ZFP2: variants seen among roughly 807,000 people sequenced by gnomAD.
ZFP2 encodes the protein ZFP2 zinc finger protein.
Under a neutral mutation model 36.1 loss-of-function variants are expected in ZFP2, and 33 were observed. That is an observed-to-expected ratio of 0.92 (90% confidence interval 0.69 to 1.22). The LOEUF (loss-of-function observed/expected upper bound fraction) is 1.22, where lower values mean the gene tolerates loss of function less well. Among genes scored for constraint, ZFP2 ranks in the 50% most tolerant of loss-of-function variants. The pLI is 0.00. For missense variants in ZFP2, 522 were observed against 551.4 expected, an observed-to-expected ratio of 0.95 and a Z score of 0.53; for synonymous variants, 170 against 178.0, an observed-to-expected ratio of 0.96 and a Z score of 0.36.
chr5:178,927,944 A>G (rs192549734), intron 4 of ZFP2, among the ~76,000 whole-genome samples: 2 of 151,834 alleles, frequency 1.3e-5, no homozygotes, highest in African/African-American at 4.8e-5. Context: ...GGAGGCTTAC[A>G]GTCATAGTGG....
At chr5:178,911,623 G>T (rs546333792) in intron 1 of ZFP2, among the ~76,000 whole-genome samples, 1 of 152,246 alleles carries the variant, frequency 6.6e-6, no homozygotes, top group African/African-American at 2.4e-5. Context: ...GTTAAGTTTT[G>T]GGGGAGTCAA....
intron 1 of ZFP2, among the ~76,000 whole-genome samples, chr5:178,897,062 T>TA (rs1291031580): frequency 1.3e-5 from 2 of 151,810 alleles, no homozygotes; most frequent in East Asian, 3.9e-4. Flanking sequence ...TTCAGTATTA[T>TA]AAACAGTATA....
rs1286389478 is a variant in ZFP2, at chr5:178,931,495, T to G, written c.182T>G (p.Leu61Arg). 1 of 1,614,176 alleles carries G rather than the reference T, an allele frequency of 6.2e-7. No homozygotes were observed. Among genetic ancestry groups the G allele is most frequent in the Non-Finnish European group, 8.5e-7 (1 of 1,180,020 alleles). The stretch of plus-strand genomic sequence containing the variant: ...AGATGTTCCAGTCAGGATTCAATCC[T>G]TGATACACAGCAAAGCATTCCTATG... ...FERCSSQDSI[L>R]DTQQSIPMVK... Residue 61 changes from leucine to arginine, a missense_variant, in exon 5 of 5, where the codon CTT becomes CGT. Transcript: ENST00000361362.
intron 1 of ZFP2, among the ~76,000 whole-genome samples, chr5:178,899,673 G>A (rs1758013520): frequency 6.6e-6 from 1 of 152,144 alleles, no homozygotes; most frequent in African/African-American, 2.4e-5. Flanking sequence ...GGAAAAAGTA[G>A]TGTCCGTGAG....
Position 178,921,132 on chromosome 5 carries a change from G to T in ZFP2, c.-78+4422G>T, listed in dbSNP as rs75677960. On this transcript the variant is annotated intron_variant, in intron 4 of 4. Transcript: ENST00000361362. The stretch of plus-strand genomic sequence containing the variant: ...GTGGCCAGTATGGAATTTAAGCAGC[G>T]GTCCCTCTTATTCTCAAAGTCCACG... Among the ~76,000 whole-genome samples the T allele has an allele frequency of 7.6e-4, 115 of 152,194 alleles. 2 individuals are homozygous for T. In the East Asian group the frequency reaches 0.017, roughly 23 times the overall value.
At chr5:178,901,544 C>G (rs12055116) in intron 1 of ZFP2, among the ~76,000 whole-genome samples, 10,330 of 152,210 alleles carry the variant, frequency 0.068, 552 homozygotes, top group East Asian at 0.24. Flanking sequence ...CTGCATCGCT[C>G]TAATCCTTAC....
intron 4 of ZFP2, among the ~76,000 whole-genome samples, chr5:178,927,663 A>ATTTGTGTGTGTG (rs1554107344): frequency 1.1e-5 from 1 of 92,552 alleles, no homozygotes; most frequent in Admixed American, 1.1e-4. Context: ...TACCTGGCCA[A>ATTTGTGTGTGTG]TGTGTGTGTG....
intron 1 of ZFP2, among the ~76,000 whole-genome samples, chr5:178,911,863 C>T (rs578083464): frequency 1.3e-5 from 2 of 152,276 alleles, no homozygotes; most frequent in African/African-American, 2.4e-5. Flanking sequence ...TGGCCGGACA[C>T]GGTGGCTCAC....
At position 178,932,278 on chromosome 5, in the gene ZFP2, G is replaced by T; in HGVS notation, c.965G>T (p.Gly322Val). Residue 322 changes from glycine (G) to valine (V), a missense_variant, in exon 5 of 5, where the codon GGA becomes GTA. Physicochemically the swap from Gly to Val is moderately radical, Grantham distance 109 (BLOSUM62 -3). Transcript: ENST00000361362. ...ATAGAACATCAGAGACTTCATTCTGGAGTAAAACCTTTTGAATGTAACGAG... is the reference window on the plus strand; with the variant it reads ...ATAGAACATCAGAGACTTCATTCTGTAGTAAAACCTTTTGAATGTAACGAG... ...YLIEHQRLHSGVKPFECNECG... is the reference protein window; with the variant it reads ...YLIEHQRLHSVVKPFECNECG... 1 of 1,614,164 alleles carries T rather than the reference G, an allele frequency of 6.2e-7. No individual in the cohort carries two copies. Among genetic ancestry groups the T allele is most frequent in the South Asian group, 1.1e-5 (1 of 91,082 alleles).
At chr5:178,911,051 G>T (rs1243071738) in intron 1 of ZFP2, among the ~76,000 whole-genome samples, 1 of 152,104 alleles carries the variant, frequency 6.6e-6, no homozygotes, top group East Asian at 1.9e-4. Context: ...AACATCTGAT[G>T]ATTTTCTTAG....
At chr5:178,919,980 A>T (rs1424982645) in intron 4 of ZFP2, among the ~76,000 whole-genome samples, 3 of 146,912 alleles carry the variant, frequency 2.0e-5, no homozygotes, top group Non-Finnish European at 3.0e-5. Flanking sequence ...AAAAAAAAAA[A>T]TTTGATTATG....
chr5:178,901,616 A>C (rs1193129727), intron 1 of ZFP2, among the ~76,000 whole-genome samples: 9 of 152,154 alleles, frequency 5.9e-5, no homozygotes, highest in Admixed American at 5.9e-4. Flanking sequence ...TTTTTCTTAT[A>C]AGGATACCAG....
chr5:178,906,704 C>T (rs115756182), intron 1 of ZFP2, among the ~76,000 whole-genome samples: 4 of 151,924 alleles, frequency 2.6e-5, no homozygotes, highest in Admixed American at 6.6e-5. Flanking sequence ...TACAGGTACA[C>T]GCCACTGTGT....
At chr5:178,904,224 G>GC (rs1437279191) in intron 1 of ZFP2, among the ~76,000 whole-genome samples, 2 of 152,276 alleles carry the variant, frequency 1.3e-5, no homozygotes, top group Admixed American at 6.5e-5. Context: ...CATGTGGTGT[G>GC]CCGTGTTCTG....
chr5:178,917,230 G>A (rs1218394838), intron 4 of ZFP2, among the ~76,000 whole-genome samples: 1 of 152,204 alleles, frequency 6.6e-6, no homozygotes, highest in Admixed American at 6.5e-5. Flanking sequence ...TAAAAATACA[G>A]TTGGGGATTC....
intron 4 of ZFP2, among the ~76,000 whole-genome samples, chr5:178,926,650 G>A (rs1050684147): frequency 2.0e-5 from 3 of 152,088 alleles, no homozygotes; most frequent in Non-Finnish European, 2.9e-5. Context: ...CTGAGTAGCT[G>A]GGACTACAGG....
At chr5:178,924,728 G>A (rs1758630978) in intron 4 of ZFP2, among the ~76,000 whole-genome samples, 1 of 148,310 alleles carries the variant, frequency 6.7e-6, no homozygotes, top group African/African-American at 2.4e-5. Context: ...AGTCCCTGTA[G>A]TCCCAGCTAC....
At chr5:178,916,786 A>G (rs1758439761) in intron 4 of ZFP2, 76 bp downstream of exon 4, 1 of 957,094 alleles carries the variant, frequency 1.0e-6, no homozygotes, top group South Asian at 4.8e-5. Flanking sequence ...ATCTGAACAC[A>G]TATCTTTTGT....
chr5:178,914,535 A>G (rs540258595), intron 3 of ZFP2, among the ~76,000 whole-genome samples: 5 of 152,292 alleles, frequency 3.3e-5, no homozygotes, highest in African/African-American at 1.2e-4. Flanking sequence ...TAAATAACCT[A>G]TTTATTCAAC....
Sources: allele counts gnomAD v4.1 joint callset (sites outside exome capture counted in the v4.1 genomes callset), GRCh38; gene constraint gnomAD v4.1.1; transcripts MANE v1.5; gene names NCBI Gene and HGNC (gene_info 2026-07-23, HGNC 2026-07-21).